The following CMSS1 variants were observed in gnomAD, a reference collection of about 807,000 sequenced individuals.
CMSS1 encodes the protein cms1 ribosomal small subunit homolog.
A neutral mutation model predicts 43.5 loss-of-function variants in CMSS1; 33 were observed. The ratio of observed to expected loss-of-function variants is 0.76; its 90% CI spans 0.57 to 1.01. The LOEUF (loss-of-function observed/expected upper bound fraction) is 1.01, where lower values mean the gene tolerates loss of function less well. CMSS1 is among the 50% of genes least tolerant of loss of function. The pLI, the probability that CMSS1 is intolerant of heterozygous loss-of-function variation, is 0.00. For synonymous variants in CMSS1, 115 were observed against 117.2 expected (o/e 0.98, Z 0.12); for missense variants, 313 against 326.4 (o/e 0.96, Z 0.32).
chr3:100,145,791 C>G (rs1054407877), intron 1 of CMSS1, among the ~76,000 whole-genome samples: 2 of 152,286 alleles, frequency 1.3e-5, no homozygotes, highest in South Asian at 2.1e-4. Context: ...TTATTTCAAC[C>G]AATTGGATGA....
chr3:100,166,391 G>C lies in CMSS1; in HGVS notation c.412G>C (p.Glu138Gln), dbSNP rs1230619799. ...LTHSLSSYLK[E>Q]ICPKWVKLRK... ...TCACAGTCTTTCCTCATACCTAAAA[G>C]AAAGTAAGTAAACTCTGATTTTAAT... Residue 138 changes from glutamate (E) to glutamine (Q), a missense_variant, in exon 5 of 10, where the codon GAA becomes CAA. Glu to Gln is a conservative substitution (Grantham distance 29). Transcript: ENST00000421999. 9.5e-6 allele frequency: 15 copies of C among 1,571,096 alleles called. No homozygotes were observed. The highest frequency in any genetic ancestry group is 1.1e-5 in the Non-Finnish European group (13 of 1,141,838).
intron 1 of CMSS1, among the ~76,000 whole-genome samples, chr3:100,045,270 A>G (rs1195703366): frequency 1.3e-5 from 2 of 152,228 alleles, no homozygotes; most frequent in Non-Finnish European, 2.9e-5. Flanking sequence ...AGCACATAGC[A>G]CAGTATCTAG....
At chr3:100,062,854 A>G (rs892669064) in intron 1 of CMSS1, among the ~76,000 whole-genome samples, 2 of 151,934 alleles carry the variant, frequency 1.3e-5, no homozygotes, top group South Asian at 2.1e-4. Flanking sequence ...TAGTCCCCCA[A>G]CTCTCAGTTA....
intron 1 of CMSS1, among the ~76,000 whole-genome samples, chr3:99,896,781 G>A (rs573605966): frequency 2.0e-5 from 3 of 152,176 alleles, no homozygotes; most frequent in East Asian, 1.9e-4. Flanking sequence ...AGGGTTTAAC[G>A]GTTTTTGTTC....
intron 1 of CMSS1, among the ~76,000 whole-genome samples, chr3:100,004,042 T>TG (rs1709918523): frequency 6.6e-6 from 1 of 152,222 alleles, no homozygotes; most frequent in Admixed American, 6.5e-5. Context: ...GTAAGCATCT[T>TG]GCCTTACTCA....
chr3:100,140,725 T>G (rs1044697930), intron 1 of CMSS1, among the ~76,000 whole-genome samples: 1 of 152,094 alleles, frequency 6.6e-6, no homozygotes, highest in East Asian at 1.9e-4. Flanking sequence ...TAGGTTTTTC[T>G]GAGGCCTGAG....
intron 1 of CMSS1, among the ~76,000 whole-genome samples, chr3:99,893,722 A>G (rs1353821611): frequency 1.3e-5 from 2 of 152,224 alleles, no homozygotes; most frequent in Non-Finnish European, 2.9e-5. Context: ...TATACTCTAC[A>G]GATAATTTAT....
rs146199225 is a variant in CMSS1, at chr3:99,856,945, T to C, written c.64+38902T>C. 6.7e-3 allele frequency among the ~76,000 whole-genome samples: 1,025 copies of C among 152,312 alleles called. 3 individuals carry two copies. The highest frequency in any genetic ancestry group is 8.5e-3 in the African/African-American group (354 of 41,566). ...TAACTTATATTATAATTCTTACCGC[T>C]TTTGATTTTATCTTATTTTTTGTAC... On this transcript the variant is annotated intron_variant, in intron 1 of 9. Coordinates refer to ENST00000421999, the MANE Select transcript of CMSS1 (RefSeq NM_032359.4).
At chr3:99,880,563 G>A (rs996937697) in intron 1 of CMSS1, among the ~76,000 whole-genome samples, 1 of 152,284 alleles carries the variant, frequency 6.6e-6, no homozygotes, top group South Asian at 2.1e-4. Context: ...CTTGAGAAGT[G>A]ATTACAGTAG....
intron 1 of CMSS1, chr3:99,833,095 A>G (rs527916055): frequency 2.8e-6 from 2 of 720,710 alleles, no homozygotes; most frequent in East Asian, 5.5e-5. Flanking sequence ...GGGTTTCATC[A>G]AAGAGCAGAT....
At chr3:99,838,367 A>G (rs545817445) in intron 1 of CMSS1, among the ~76,000 whole-genome samples, 18 of 152,312 alleles carry the variant, frequency 1.2e-4, no homozygotes, top group East Asian at 3.9e-4. Flanking sequence ...ACTCTTGGCT[A>G]TGGTGATCAT....
At chr3:100,103,764 C>T (rs769852654) in intron 1 of CMSS1, among the ~76,000 whole-genome samples, 2 of 152,158 alleles carry the variant, frequency 1.3e-5, no homozygotes, top group African/African-American at 2.4e-5. Flanking sequence ...ACTGGCCTTG[C>T]AATAAACATG....
intron 1 of CMSS1, chr3:99,850,811 T>C: frequency 6.2e-7 from 1 of 1,614,220 alleles, no homozygotes; most frequent in Non-Finnish European, 8.5e-7. Flanking sequence ...TCTAGTCTGG[T>C]TGCCTTCTGC....
chr3:99,988,191 ATTC>A (rs1034629423), intron 1 of CMSS1, among the ~76,000 whole-genome samples: 4 of 151,920 alleles, frequency 2.6e-5, no homozygotes, highest in African/African-American at 9.7e-5. Context: ...CCAACCATAT[ATTC>A]TTTTTAGAAA....
chr3:100,036,958 G>A (rs2065118060), intron 1 of CMSS1, among the ~76,000 whole-genome samples: 1 of 152,056 alleles, frequency 6.6e-6, no homozygotes, highest in African/African-American at 2.4e-5. Context: ...TAAACTAAAA[G>A]ATACTCTTCA....
At chr3:100,047,896 G>A (rs539309493) in intron 1 of CMSS1, among the ~76,000 whole-genome samples, 33 of 152,252 alleles carry the variant, frequency 2.2e-4, no homozygotes, top group South Asian at 1.0e-3. Context: ...ATAGGATGGA[G>A]GTAGCTTCTG....
intron 1 of CMSS1, among the ~76,000 whole-genome samples, chr3:99,865,874 G>A (rs983984667): frequency 2.6e-5 from 4 of 151,458 alleles, no homozygotes; most frequent in African/African-American, 9.7e-5. Context: ...TTGTATTTTA[G>A]CAGATTAAAG....
intron 1 of CMSS1, among the ~76,000 whole-genome samples, chr3:99,996,340 G>A (rs910184875): frequency 3.9e-5 from 6 of 152,148 alleles, no homozygotes; most frequent in African/African-American, 1.4e-4. Context: ...GACCACCTCA[G>A]CCTGGACCTT....
intron 1 of CMSS1, among the ~76,000 whole-genome samples, chr3:99,840,111 C>A (rs1303640594): frequency 1.3e-5 from 2 of 152,138 alleles, no homozygotes; most frequent in East Asian, 3.9e-4. Flanking sequence ...CTCTTTCTTC[C>A]CCACAACAAA....
Sources: allele counts gnomAD v4.1 joint callset (sites outside exome capture counted in the v4.1 genomes callset), GRCh38; gene constraint gnomAD v4.1.1; transcripts MANE v1.5; gene names NCBI Gene and HGNC (gene_info 2026-07-23, HGNC 2026-07-21).